L3MBTL4: variants seen among roughly 807,000 people sequenced by gnomAD.
L3MBTL4 encodes lethal(3)malignant brain tumor-like protein 4.
Under a neutral mutation model 84.5 loss-of-function variants are expected in L3MBTL4, and 70 were observed. The ratio of observed to expected loss-of-function variants is 0.83; its 90% CI spans 0.68 to 1.01. The LOEUF is 1.01. L3MBTL4 is among the 50% of genes least tolerant of loss of function. The probability of loss-of-function intolerance (pLI) is 0.00; values close to 1 mark genes in which losing one functional copy is unlikely to be tolerated. For synonymous variants in L3MBTL4, 274 were observed against 259.8 expected (o/e 1.05, Z -0.52); for missense variants, 715 against 754.8 (o/e 0.95, Z 0.62).
At chr18:6,284,372 C>T (rs2146617244) in intron 4 of L3MBTL4, among the ~76,000 whole-genome samples, 1 of 152,288 alleles carries the variant, frequency 6.6e-6, no homozygotes, top group South Asian at 2.1e-4. Flanking sequence ...ATGTCAGACC[C>T]ACCCGGGCGT....
intron 16 of L3MBTL4, among the ~76,000 whole-genome samples, chr18:6,010,342 C>G (rs1357074335): frequency 6.6e-6 from 1 of 152,126 alleles, no homozygotes; most frequent in African/African-American, 2.4e-5. Flanking sequence ...TCAGGCAGCT[C>G]AGAGAGGAAC....
chr18:6,118,798 G>T (rs889719710), intron 14 of L3MBTL4, among the ~76,000 whole-genome samples: 1 of 151,910 alleles, frequency 6.6e-6, no homozygotes, highest in Non-Finnish European at 1.5e-5. Context: ...TTAAAATACT[G>T]GTAAGTAACA....
intron 1 of L3MBTL4, among the ~76,000 whole-genome samples, chr18:6,370,375 G>T (rs1363790436): frequency 6.6e-6 from 1 of 152,206 alleles, no homozygotes; most frequent in East Asian, 1.9e-4. Flanking sequence ...CTTGGAAAAT[G>T]ATAAATGCCT....
chr18:6,362,844 T>G (rs2053766877), intron 1 of L3MBTL4, among the ~76,000 whole-genome samples: 1 of 152,210 alleles, frequency 6.6e-6, no homozygotes, highest in Non-Finnish European at 1.5e-5. Flanking sequence ...TTAGAAATGT[T>G]AAATCCCAAA....
At chr18:6,122,367 C>A (rs1386820414) in intron 14 of L3MBTL4, among the ~76,000 whole-genome samples, 6 of 152,118 alleles carry the variant, frequency 3.9e-5, no homozygotes, top group Non-Finnish European at 8.8e-5. Flanking sequence ...GTGTCCCCAC[C>A]CAAATCTCAT....
intron 15 of L3MBTL4, among the ~76,000 whole-genome samples, chr18:6,081,913 G>A (rs116891216): frequency 0.02 from 3,030 of 152,206 alleles, 30 homozygotes; most frequent in Non-Finnish European, 0.031. Flanking sequence ...GCAAGAAACC[G>A]AGAAAATTTC....
chr18:6,142,974 A>C (rs2060242702), intron 13 of L3MBTL4, among the ~76,000 whole-genome samples: 1 of 152,182 alleles, frequency 6.6e-6, no homozygotes, highest in Non-Finnish European at 1.5e-5. Flanking sequence ...AGAAACATAT[A>C]GTATATAAAC....
At chr18:6,237,562 TCTC>T (rs2047267001) in intron 10 of L3MBTL4, among the ~76,000 whole-genome samples, 1 of 149,518 alleles carries the variant, frequency 6.7e-6, no homozygotes, top group South Asian at 2.2e-4. Context: ...TTCAAGCAAT[TCTC>T]CTGCCTCAGC....
intron 1 of L3MBTL4, chr18:6,396,831 T>C (rs2055293117): frequency 6.6e-6 from 1 of 152,376 alleles, no homozygotes; most frequent in African/African-American, 2.4e-5. Context: ...TAAAGTCATT[T>C]GATCTTCAAA....
chr18:6,282,161 C>T (rs562363466), intron 4 of L3MBTL4, among the ~76,000 whole-genome samples: 2 of 152,332 alleles, frequency 1.3e-5, no homozygotes, highest in South Asian at 2.1e-4. Context: ...TAAACCAATA[C>T]TCATGGAGGA....
intron 14 of L3MBTL4, among the ~76,000 whole-genome samples, chr18:6,097,977 G>A (rs949868625): frequency 6.6e-6 from 1 of 152,132 alleles, no homozygotes; most frequent in African/African-American, 2.4e-5. Context: ...TGCTGTGCCC[G>A]CCAATTGGGA....
At chr18:6,293,920 A>G (rs912563825) in intron 4 of L3MBTL4, among the ~76,000 whole-genome samples, 3 of 152,230 alleles carry the variant, frequency 2.0e-5, no homozygotes, top group African/African-American at 7.2e-5. Context: ...GAGATACACA[A>G]CAATTTAATG....
At chr18:6,344,930 T>G (rs998670162) in intron 1 of L3MBTL4, among the ~76,000 whole-genome samples, 1 of 151,646 alleles carries the variant, frequency 6.6e-6, no homozygotes, top group South Asian at 2.1e-4. Context: ...GGTGAAAAGT[T>G]AGGAACAAAA....
intron 14 of L3MBTL4, among the ~76,000 whole-genome samples, chr18:6,132,739 A>C (rs1164453309): frequency 3.3e-5 from 5 of 152,210 alleles, no homozygotes; most frequent in African/African-American, 1.2e-4. Context: ...ATTAGACCCC[A>C]TTTACATTAT....
intron 4 of L3MBTL4, among the ~76,000 whole-genome samples, chr18:6,275,511 G>A (rs1320652864): frequency 3.3e-5 from 5 of 152,070 alleles, no homozygotes; most frequent in South Asian, 2.1e-4. Flanking sequence ...GGTTTGCCTC[G>A]GGATCGTTTC....
intron 5 of L3MBTL4, among the ~76,000 whole-genome samples, chr18:6,258,103 G>T (rs1453058390): frequency 6.6e-6 from 1 of 152,224 alleles, no homozygotes; most frequent in Non-Finnish European, 1.5e-5. Flanking sequence ...GACCACAGGG[G>T]AAAGAGGCAG....
At chr18:6,136,407 C>T (rs945030847) in intron 14 of L3MBTL4, among the ~76,000 whole-genome samples, 2 of 152,208 alleles carry the variant, frequency 1.3e-5, no homozygotes, top group Non-Finnish European at 2.9e-5. Flanking sequence ...CAACTTTCCA[C>T]ACTAAAGTAA....
intron 16 of L3MBTL4, among the ~76,000 whole-genome samples, chr18:6,068,015 A>G (rs1450796444): frequency 6.6e-6 from 1 of 151,698 alleles, no homozygotes; most frequent in East Asian, 1.9e-4. Flanking sequence ...AATGTTTATC[A>G]TTTATTATAG....
chr18:6,005,345 C>CAAAAACACACAAAAA (rs61290795), intron 16 of L3MBTL4, among the ~76,000 whole-genome samples: 92,430 of 151,634 alleles, frequency 0.61, 28,994 homozygotes, highest in Non-Finnish European at 0.7. Context: ...GACACTGTCT[C>CAAAAACACACAAAAA]ACAAACACAA....
Sources: gnomAD v4.1 joint callset for allele counts (sites outside exome capture counted in the v4.1 genomes callset) on GRCh38, gnomAD v4.1.1 for gene constraint, MANE v1.5 for transcripts, NCBI Gene and HGNC (gene_info 2026-07-23, HGNC 2026-07-21) for gene names.